CEP112: variants seen among roughly 807,000 people sequenced by gnomAD.
CEP112 encodes centrosomal protein 112, also known as centrosomal protein of 112 kDa.
CEP112 carries 127 observed loss-of-function variants against 153.0 expected under a neutral mutation model. That is an observed-to-expected ratio of 0.83 (90% CI 0.72 to 0.96). The LOEUF (loss-of-function observed/expected upper bound fraction) is 0.96. CEP112 is among the 40% of genes least tolerant of loss of function. The pLI, the probability that CEP112 is intolerant of heterozygous loss-of-function variation, is 0.00. For missense variants in CEP112, 1,089 were observed against 1,101.2 expected (o/e 0.99, Z 0.16); for synonymous variants, 358 against 374.4 (o/e 0.96, Z 0.51).
chr17:65,875,160 GA>G (rs888271597), intron 20 of CEP112, among the ~76,000 whole-genome samples: 12 of 151,534 alleles, frequency 7.9e-5, no homozygotes, highest in African/African-American at 2.4e-4. Flanking sequence ...AAATTTCTCT[GA>G]AAAAAAATTG....
intron 4 of CEP112, among the ~76,000 whole-genome samples, chr17:66,135,181 G>A (rs994804434): frequency 5.3e-5 from 8 of 152,108 alleles, no homozygotes; most frequent in African/African-American, 1.9e-4. Flanking sequence ...CCAAGTAATG[G>A]AGAGGCATTG....
At position 66,096,595 on chromosome 17, in the gene CEP112, G is replaced by A; in HGVS notation, c.680C>T (p.Pro227Leu). The change falls in exon 7 of 27, where the codon CCA (proline) becomes CTA (leucine). Residue 227 changes from proline to leucine, a missense_variant. Pro to Leu is a moderately conservative substitution (Grantham distance 98, BLOSUM62 -3). Transcript: ENST00000535342. ...NPRYLRQKPI[P>L]VSLMTPKFSL... ...GGATTTCTCACATACCAGAGAAACT[G>A]GGATAGGCTTCTGTCTCAGGTATCG... is the stretch of plus-strand genomic sequence containing the variant. 1 of 1,593,540 alleles carries A rather than the reference G, an allele frequency of 6.3e-7. No homozygotes were observed. Among genetic ancestry groups the A allele is most frequent in the Non-Finnish European group, 8.6e-7 (1 of 1,164,936 alleles).
chr17:65,880,463 T>C (rs1032259730), intron 20 of CEP112, among the ~76,000 whole-genome samples: 3 of 152,216 alleles, frequency 2.0e-5, no homozygotes, highest in Non-Finnish European at 2.9e-5. Flanking sequence ...GGCTATCTTA[T>C]GGAGGCAGAC....
At chr17:65,784,489 CTTTT>C (rs979461680) in intron 21 of CEP112, among the ~76,000 whole-genome samples, 1 of 152,094 alleles carries the variant, frequency 6.6e-6, no homozygotes, top group African/African-American at 2.4e-5. Context: ...GCTACTTTTT[CTTTT>C]TGTTTGAGAC....
intron 23 of CEP112, among the ~76,000 whole-genome samples, chr17:65,725,355 T>C (rs532503166): frequency 6.6e-6 from 1 of 152,328 alleles, no homozygotes; most frequent in South Asian, 2.1e-4. Flanking sequence ...TCTCACTCTG[T>C]CACCCAGGCT....
At chr17:66,060,908 C>T (rs540366513) in intron 11 of CEP112, among the ~76,000 whole-genome samples, 6 of 138,548 alleles carry the variant, frequency 4.3e-5, no homozygotes, top group Admixed American at 4.2e-4. Context: ...AAAAAAAAGA[C>T]AAATGGGATT....
chr17:66,122,248 A>G (rs141617259), intron 6 of CEP112, among the ~76,000 whole-genome samples: 1 of 152,186 alleles, frequency 6.6e-6, no homozygotes, highest in African/African-American at 2.4e-5. Context: ...CTTTGAACAC[A>G]TTTATAATGG....
At chr17:65,963,013 C>A (rs958416345) in intron 17 of CEP112, among the ~76,000 whole-genome samples, 1 of 152,136 alleles carries the variant, frequency 6.6e-6, no homozygotes, top group African/African-American at 2.4e-5. Context: ...GTTATTACAT[C>A]CTTACTTACA....
chr17:65,877,680 G>C (rs948161406), intron 20 of CEP112, among the ~76,000 whole-genome samples: 1 of 152,108 alleles, frequency 6.6e-6, no homozygotes, highest in African/African-American at 2.4e-5. Context: ...CCCTATGTAA[G>C]AACACTATGT....
chr17:65,948,165 A>G (rs1599111731), intron 18 of CEP112, among the ~76,000 whole-genome samples: 1 of 152,202 alleles, frequency 6.6e-6, no homozygotes, highest in East Asian at 1.9e-4. Flanking sequence ...GCCAGTTTCA[A>G]TTGTGCTACA....
At chr17:66,183,404 T>C in intron 1 of CEP112, 97 bp from the exon 2 acceptor site, 1 of 741,598 alleles carries the variant, frequency 1.3e-6, no homozygotes. Flanking sequence ...GTGTTAGATA[T>C]CAGTTCTCCC....
chr17:66,069,477 C>T (rs1350213994), intron 9 of CEP112, among the ~76,000 whole-genome samples: 2 of 151,958 alleles, frequency 1.3e-5, no homozygotes, highest in Admixed American at 1.3e-4. Context: ...AGTGCCAGCA[C>T]TAAAATGCAT....
intron 24 of CEP112, among the ~76,000 whole-genome samples, chr17:65,684,111 C>G (rs999734405): frequency 1.3e-5 from 2 of 152,146 alleles, no homozygotes; most frequent in Admixed American, 6.6e-5. Flanking sequence ...TTATACACAT[C>G]CCATTTACTC....
chr17:66,119,479 A>C (rs8070776), intron 6 of CEP112, among the ~76,000 whole-genome samples: 7,362 of 152,244 alleles, frequency 0.048, 236 homozygotes, highest in African/African-American at 0.07. Context: ...AATTTAAAAA[A>C]CAGCCTTTTT....
intron 21 of CEP112, among the ~76,000 whole-genome samples, chr17:65,828,536 T>A (rs1043683444): frequency 6.6e-6 from 1 of 152,152 alleles, no homozygotes. Flanking sequence ...AACCATTTGA[T>A]CCTAGCCCTG....
intron 24 of CEP112, among the ~76,000 whole-genome samples, chr17:65,653,242 G>A (rs536731695): frequency 6.6e-4 from 101 of 152,300 alleles, no homozygotes; most frequent in Non-Finnish European, 1.2e-3. Context: ...CCACAGGTGG[G>A]GAACCATTGC....
At chr17:65,650,301 G>C (rs1336938554) in intron 24 of CEP112, among the ~76,000 whole-genome samples, 2 of 152,138 alleles carry the variant, frequency 1.3e-5, no homozygotes, top group Admixed American at 6.5e-5. Context: ...TTCATGATGA[G>C]GCTGTGTTGG....
At chr17:65,636,901 T>C (rs1213425118) in intron 26 of CEP112, 3 of 503,918 alleles carry the variant, frequency 6.0e-6, no homozygotes, top group Non-Finnish European at 1.1e-5. Flanking sequence ...AGTGAGCCAC[T>C]GTGCCCGGCA....
intron 18 of CEP112, among the ~76,000 whole-genome samples, chr17:65,942,211 A>G (rs527684248): frequency 1.8e-4 from 27 of 152,092 alleles, no homozygotes; most frequent in African/African-American, 6.5e-4. Context: ...CGTGAACCCT[A>G]TTGTGAACTG....
Sources: gnomAD v4.1 joint callset for allele counts (sites outside exome capture counted in the v4.1 genomes callset) on GRCh38, gnomAD v4.1.1 for gene constraint, MANE v1.5 for transcripts, NCBI Gene and HGNC (gene_info 2026-07-23, HGNC 2026-07-21) for gene names.